FAM135B: variants seen among roughly 807,000 people sequenced by gnomAD.
The protein encoded by FAM135B is family with sequence similarity 135 member B.
Under a neutral mutation model 127.7 loss-of-function variants are expected in FAM135B, and 43 were observed. That is an observed-to-expected ratio of 0.34 (90% CI 0.26 to 0.43). The LOEUF (loss-of-function observed/expected upper bound fraction) is 0.43. FAM135B is among the 20% of genes least tolerant of loss of function. The pLI, the probability that FAM135B is intolerant of heterozygous loss-of-function variation, is 1.00. For missense variants in FAM135B, 1,558 were observed against 1,725.6 expected (o/e 0.90, Z 1.72); for synonymous variants, 670 against 665.1 (o/e 1.01, Z -0.11).
At chr8:138,355,219 G>A (rs1830019786) in intron 2 of FAM135B, among the ~76,000 whole-genome samples, 1 of 152,128 alleles carries the variant, frequency 6.6e-6, no homozygotes, top group Non-Finnish European at 1.5e-5. Context: ...CCATTACTGG[G>A]TATACACCCA....
intron 12 of FAM135B, among the ~76,000 whole-genome samples, chr8:138,156,411 C>T (rs76225839): frequency 0.34 from 51,785 of 151,970 alleles, 9,518 homozygotes; most frequent in East Asian, 0.53. Flanking sequence ...CAAACACATT[C>T]AAAAGCTAGC....
At position 138,373,218 on chromosome 8, in the gene FAM135B, C is replaced by T. The variant is rs138269236; in HGVS notation, c.-19-5216G>A. ...AGTCAGGGACCCCAAATGGAGGGAC[C>T]GGCTGAAGCCATGGCAGAAGAAAGT... On this transcript the variant is annotated intron_variant, in intron 1 of 19. Coordinates refer to ENST00000395297, the MANE Select transcript of FAM135B (RefSeq NM_015912.4). Among the ~76,000 whole-genome samples, 807 of 152,138 alleles carry T rather than the reference C, an allele frequency of 5.3e-3. 6 individuals carry two copies. The highest frequency in any genetic ancestry group is 0.018 in the African/African-American group (767 of 41,484).
intron 1 of FAM135B, among the ~76,000 whole-genome samples, chr8:138,416,422 T>C (rs1038293616): frequency 1.3e-5 from 2 of 152,182 alleles, no homozygotes; most frequent in Admixed American, 6.6e-5. Context: ...TTTTATTTCA[T>C]CCAGTCTAAT....
intron 1 of FAM135B, among the ~76,000 whole-genome samples, chr8:138,386,565 A>C (rs1832231132): frequency 6.6e-6 from 1 of 152,230 alleles, no homozygotes; most frequent in Non-Finnish European, 1.5e-5. Flanking sequence ...GTTGCCTTCA[A>C]CTGTGGTATA....
chr8:138,232,612 T>C (rs905358706), intron 7 of FAM135B, among the ~76,000 whole-genome samples: 1 of 152,232 alleles, frequency 6.6e-6, no homozygotes, highest in Non-Finnish European at 1.5e-5. Flanking sequence ...ATTTAAAAGA[T>C]AAATTTTAAA....
At chr8:138,213,467 T>C (rs1288552716) in intron 7 of FAM135B, among the ~76,000 whole-genome samples, 1 of 151,890 alleles carries the variant, frequency 6.6e-6, no homozygotes, top group Non-Finnish European at 1.5e-5. Flanking sequence ...TGGGAGAGGA[T>C]GGCTAAATTC....
At chr8:138,173,933 T>C (rs549967191) in intron 11 of FAM135B, among the ~76,000 whole-genome samples, 19 of 152,300 alleles carry the variant, frequency 1.2e-4, no homozygotes, top group African/African-American at 4.6e-4. Flanking sequence ...AACACACCCT[T>C]GCTACTGGTC....
chr8:138,317,066 C>T (rs143936052), intron 2 of FAM135B, among the ~76,000 whole-genome samples: 19 of 151,740 alleles, frequency 1.3e-4, no homozygotes, highest in African/African-American at 4.6e-4. Flanking sequence ...TAAAAACTTA[C>T]TTATGCAAGA....
intron 5 of FAM135B, among the ~76,000 whole-genome samples, chr8:138,254,035 C>A (rs765936507): frequency 2.0e-5 from 3 of 152,188 alleles, no homozygotes; most frequent in Non-Finnish European, 4.4e-5. Flanking sequence ...CACATTGAAG[C>A]CTGGCCTCAC....
intron 12 of FAM135B, among the ~76,000 whole-genome samples, chr8:138,160,403 T>C (rs543705954): frequency 6.6e-6 from 1 of 151,656 alleles, no homozygotes; most frequent in African/African-American, 2.4e-5. Context: ...TTATTTTTTC[T>C]TTTGAGATGG....
chr8:138,286,758 T>G (rs1412100034), intron 3 of FAM135B, among the ~76,000 whole-genome samples: 1 of 152,128 alleles, frequency 6.6e-6, no homozygotes, highest in Non-Finnish European at 1.5e-5. Context: ...AATTACAAAA[T>G]GGACATCCAA....
chr8:138,401,414 C>A (rs1254028799), intron 1 of FAM135B, among the ~76,000 whole-genome samples: 1 of 152,170 alleles, frequency 6.6e-6, no homozygotes, highest in Non-Finnish European at 1.5e-5. Flanking sequence ...TTCTGTCCTA[C>A]CAATGAAGAC....
chr8:138,349,988 A>T (rs1829669945), intron 2 of FAM135B, among the ~76,000 whole-genome samples: 1 of 152,174 alleles, frequency 6.6e-6, no homozygotes, highest in Non-Finnish European at 1.5e-5. Flanking sequence ...TCCACAAAAG[A>T]CCTGTGAGGT....
intron 1 of FAM135B, among the ~76,000 whole-genome samples, chr8:138,415,615 C>T (rs982746366): frequency 3.9e-5 from 6 of 152,158 alleles, no homozygotes; most frequent in Admixed American, 2.0e-4. Context: ...CTTTCCATTT[C>T]CCATGAAGCT....
At chr8:138,240,401 A>T (rs556460692) in intron 7 of FAM135B, among the ~76,000 whole-genome samples, 14 of 152,200 alleles carry the variant, frequency 9.2e-5, no homozygotes, top group Non-Finnish European at 1.9e-4. Flanking sequence ...GGGCACACAC[A>T]CGTCAGCAGA....
At chr8:138,145,582 C>T (rs1817581100) in intron 15 of FAM135B, among the ~76,000 whole-genome samples, 1 of 152,198 alleles carries the variant, frequency 6.6e-6, no homozygotes, top group Non-Finnish European at 1.5e-5. Flanking sequence ...CCGTCAACAT[C>T]TATACCTCTG....
At chr8:138,445,480 G>A (rs1022741150) in intron 1 of FAM135B, among the ~76,000 whole-genome samples, 1 of 152,152 alleles carries the variant, frequency 6.6e-6, no homozygotes, top group Admixed American at 6.5e-5. Flanking sequence ...TCATCCCTGG[G>A]ATGCAAGGCT....
At chr8:138,425,964 CATATATATATATATATATAT>C (rs11271386) in intron 1 of FAM135B, among the ~76,000 whole-genome samples, 29 of 110,006 alleles carry the variant, frequency 2.6e-4, no homozygotes, top group South Asian at 1.4e-3. Flanking sequence ...GCCAGGCCAA[CATATATATATATATATATAT>C]ATATATATAT....
At chr8:138,200,683 C>G (rs909279035) in intron 7 of FAM135B, among the ~76,000 whole-genome samples, 2 of 152,110 alleles carry the variant, frequency 1.3e-5, no homozygotes, top group African/African-American at 4.8e-5. Flanking sequence ...TACTACCCAT[C>G]TATGCTTTTG....
Sources: allele counts gnomAD v4.1 joint callset (sites outside exome capture counted in the v4.1 genomes callset), GRCh38; gene constraint gnomAD v4.1.1; transcripts MANE v1.5; gene names NCBI Gene and HGNC (gene_info 2026-07-23, HGNC 2026-07-21).